CPQ: variants seen among roughly 807,000 people sequenced by gnomAD.
CPQ encodes the protein carboxypeptidase Q.
A neutral mutation model predicts 45.7 loss-of-function variants in CPQ; 37 were observed. That is an observed-to-expected ratio of 0.81 (90% confidence interval 0.62 to 1.07). The LOEUF (loss-of-function observed/expected upper bound fraction) is 1.07, where lower values mean the gene tolerates loss of function less well. Among genes scored for constraint, CPQ ranks in the 50% least tolerant of loss-of-function variants. The pLI, the probability that CPQ is intolerant of heterozygous loss-of-function variation, is 0.00. For missense variants in CPQ, 537 were observed against 572.9 expected, an observed-to-expected ratio of 0.94 and a Z score of 0.64; for synonymous variants, 186 against 205.8, an observed-to-expected ratio of 0.90 and a Z score of 0.82.
chr8:96,784,779 G>C, intron 1 of CPQ, 85 bp from the exon 2 acceptor site: 1 of 955,964 alleles, frequency 1.0e-6, no homozygotes, highest in Non-Finnish European at 1.5e-6. Flanking sequence ...GAAGGGGAAT[G>C]CTGCTTGAAA....
At chr8:96,788,790 T>C (rs1390562283) in intron 2 of CPQ, among the ~76,000 whole-genome samples, 6 of 152,022 alleles carry the variant, frequency 3.9e-5, no homozygotes, top group Non-Finnish European at 1.5e-5. Flanking sequence ...ATGTCCCATA[T>C]TTCTCTTATG....
chr8:96,757,888 C>T (rs1810347928), intron 1 of CPQ, among the ~76,000 whole-genome samples: 1 of 151,922 alleles, frequency 6.6e-6, no homozygotes, highest in Non-Finnish European at 1.5e-5. Context: ...CAGGCTTTGT[C>T]TTTATTAACA....
Position 97,115,198 on chromosome 8 carries a change from T to G in CPQ, c.1256-27822T>G, listed in dbSNP as rs542625634. ...GCCCTAAAGATGCCCTGGGTGCCTC[T>G]TCTATTGCACAAAGCTCAAGGTCCA... On this transcript the variant is annotated intron_variant, in intron 7 of 7. Coordinates refer to ENST00000220763, the MANE Select transcript of CPQ (RefSeq NM_016134.4). Among the ~76,000 whole-genome samples, 7 of 152,310 alleles carry G rather than the reference T, an allele frequency of 4.6e-5. No individual in the cohort carries two copies. In the South Asian group the frequency reaches 1.4e-3, roughly 32 times the overall value.
At chr8:96,861,263 C>T (rs1811923118) in intron 3 of CPQ, among the ~76,000 whole-genome samples, 2 of 152,032 alleles carry the variant, frequency 1.3e-5, no homozygotes, top group African/African-American at 4.8e-5. Flanking sequence ...ATTATATGCC[C>T]AGTTGTCTAA....
intron 4 of CPQ, among the ~76,000 whole-genome samples, chr8:96,911,645 A>T (rs1335450980): frequency 2.0e-5 from 3 of 152,208 alleles, no homozygotes; most frequent in African/African-American, 7.2e-5. Context: ...GGCCCACTCT[A>T]TAAAGCTTCC....
intron 7 of CPQ, among the ~76,000 whole-genome samples, chr8:97,083,610 T>G (rs182690981): frequency 6.6e-6 from 1 of 152,352 alleles, no homozygotes; most frequent in East Asian, 1.9e-4. Context: ...AGAATGCCTC[T>G]AGGGATTTTG....
intron 1 of CPQ, among the ~76,000 whole-genome samples, chr8:96,751,876 A>G (rs1349462630): frequency 1.3e-5 from 2 of 152,178 alleles, no homozygotes; most frequent in African/African-American, 4.8e-5. Context: ...TTCTCCCAGC[A>G]CCATTTATTA....
At chr8:97,061,656 G>A (rs755029554) in intron 6 of CPQ, among the ~76,000 whole-genome samples, 9 of 152,072 alleles carry the variant, frequency 5.9e-5, no homozygotes, top group Admixed American at 1.3e-4. Flanking sequence ...GCTGTAAGAC[G>A]TTACACATAG....
intron 5 of CPQ, among the ~76,000 whole-genome samples, chr8:97,015,606 A>G (rs1429250132): frequency 6.6e-6 from 1 of 152,178 alleles, no homozygotes; most frequent in African/African-American, 2.4e-5. Flanking sequence ...AAAGTTCTAC[A>G]TTAAGCAAAA....
chr8:96,896,724 T>G (rs1478848132), intron 4 of CPQ, among the ~76,000 whole-genome samples: 1 of 152,136 alleles, frequency 6.6e-6, no homozygotes, highest in Non-Finnish European at 1.5e-5. Context: ...CCATAAAATT[T>G]GTCACAAATC....
chr8:96,807,228 TTTTTAA>T (rs1811090617), intron 2 of CPQ, among the ~76,000 whole-genome samples: 1 of 151,976 alleles, frequency 6.6e-6, no homozygotes, highest in African/African-American at 2.4e-5. Context: ...TGCTGTTTTT[TTTTTAA>T]TTTTTATTTT....
chr8:97,001,852 T>TA (rs1356300880), intron 5 of CPQ, among the ~76,000 whole-genome samples: 1 of 151,490 alleles, frequency 6.6e-6, no homozygotes, highest in Non-Finnish European at 1.5e-5. Context: ...TGGTACCAGC[T>TA]CTTTGTACAT....
intron 3 of CPQ, among the ~76,000 whole-genome samples, chr8:96,878,817 A>G (rs1044069475): frequency 6.6e-6 from 1 of 152,184 alleles, no homozygotes; most frequent in Non-Finnish European, 1.5e-5. Flanking sequence ...AATATGAGAC[A>G]AGCTGAAACA....
intron 3 of CPQ, among the ~76,000 whole-genome samples, chr8:96,851,170 G>A (rs182848274): frequency 1.3e-5 from 2 of 152,210 alleles, no homozygotes; most frequent in East Asian, 3.9e-4. Flanking sequence ...AACTTGATCA[G>A]GACATTTTGA....
At chr8:96,784,436 C>T (rs1402867886) in intron 1 of CPQ, among the ~76,000 whole-genome samples, 1 of 151,246 alleles carries the variant, frequency 6.6e-6, no homozygotes, top group African/African-American at 2.4e-5. Context: ...AAACAGATGA[C>T]AGCTGAGAAG....
In CPQ at chr8:96,765,754, T is replaced by C. The variant is rs150603504; in HGVS notation, c.-34-19110T>C. Reference sequence around the variant, plus strand: ...TAAATTAAAATTCCAAACAGTATTATTCAGAGACAGCATGGAACAGCGGAT... The same window carrying C: ...TAAATTAAAATTCCAAACAGTATTACTCAGAGACAGCATGGAACAGCGGAT... On this transcript the variant is annotated intron_variant, in intron 1 of 7. Transcript: ENST00000220763. Among the ~76,000 whole-genome samples, 921 of 152,310 alleles carry C rather than the reference T, an allele frequency of 6.0e-3. 13 individuals carry two copies. The Middle Eastern group carries it at 0.082, about 13-fold the overall frequency.
At chr8:96,976,157 T>G (rs1206244064) in intron 5 of CPQ, among the ~76,000 whole-genome samples, 1 of 141,978 alleles carries the variant, frequency 7.0e-6, no homozygotes, top group Non-Finnish European at 1.5e-5. Context: ...GATACAAAAT[T>G]AATGTACACA....
At chr8:96,708,694 G>T (rs1809566969) in intron 1 of CPQ, among the ~76,000 whole-genome samples, 1 of 151,980 alleles carries the variant, frequency 6.6e-6, no homozygotes, top group Non-Finnish European at 1.5e-5. Context: ...CTGCATTGTT[G>T]TATAGCTATG....
intron 2 of CPQ, among the ~76,000 whole-genome samples, chr8:96,795,526 A>G (rs1252840369): frequency 6.6e-6 from 1 of 152,194 alleles, no homozygotes; most frequent in South Asian, 2.1e-4. Context: ...TGATATTTCT[A>G]TATGCATATG....
Sources: allele counts gnomAD v4.1 joint callset (sites outside exome capture counted in the v4.1 genomes callset), GRCh38; gene constraint gnomAD v4.1.1; transcripts MANE v1.5; gene names NCBI Gene and HGNC (gene_info 2026-07-23, HGNC 2026-07-21).